ANAPC1: variants seen among roughly 807,000 people sequenced by gnomAD.
The protein encoded by ANAPC1 is anaphase promoting complex subunit 1.
ANAPC1 carries 36 observed loss-of-function variants against 208.0 expected under a neutral mutation model. The observed-to-expected ratio is 0.17, with a 90% CI of 0.13 to 0.23. The LOEUF (loss-of-function observed/expected upper bound fraction) is 0.23, where lower values mean the gene tolerates loss of function less well. ANAPC1 is among the 10% of genes least tolerant of loss of function. The probability of loss-of-function intolerance (pLI) is 1.00; values close to 1 mark genes in which losing one functional copy is unlikely to be tolerated. For synonymous variants in ANAPC1, 378 were observed against 695.2 expected (o/e 0.54, Z 7.18); for missense variants, 942 against 2,011.6 (o/e 0.47, Z 10.17).
At chr2:111,781,804 C>T (rs1310466550) in intron 43 of ANAPC1, among the ~76,000 whole-genome samples, 5 of 152,282 alleles carry the variant, frequency 3.3e-5, no homozygotes, top group South Asian at 4.1e-4. Context: ...GTGCTGACCC[C>T]GCCGTGGGAA....
intron 11 of ANAPC1, chr2:111,857,181 T>C (rs899281941): frequency 8.9e-6 from 3 of 336,078 alleles, no homozygotes; most frequent in African/African-American, 6.3e-5. Flanking sequence ...CATAGAACCA[T>C]ACATACACAT....
In ANAPC1 at chr2:111,850,813, G is replaced by T; in HGVS notation, c.1613C>A (p.Pro538Gln). The T allele has an allele frequency of 5.0e-6, 8 of 1,611,944 alleles. No individual in the cohort carries two copies. The highest frequency in any genetic ancestry group is 6.8e-6 in the Non-Finnish European group (8 of 1,179,864). Residue 538 changes from proline (P) to glutamine (Q), a missense_variant, in exon 14 of 48, where the codon CCA (proline) becomes CAA (glutamine). Pro to Gln is a moderately conservative substitution (Grantham distance 76). Coordinates refer to ENST00000341068, the MANE Select transcript of ANAPC1 (RefSeq NM_022662.4). Reference protein sequence around the residue: ...PSTPLDGVSTPKPLSKLLGSL... With the variant: ...PSTPLDGVSTQKPLSKLLGSL... ...TCCAAGGAGTTTACTAAGAGGCTTTGGAGTACTAACGCCATCTAGTGGAGT... is the reference window on the plus strand; with the variant it reads ...TCCAAGGAGTTTACTAAGAGGCTTTTGAGTACTAACGCCATCTAGTGGAGT...
rs1265334041 is a variant in ANAPC1 at position 111,852,879 on chromosome 2, T to C, written c.1516-1969A>G. ...GCTCATGTCTGTAATATCCCAGCAC[T>C]TTGGGAGGCTGAGGTGGGAGGATCG... On this transcript the variant is annotated intron_variant, in intron 13 of 47. Coordinates refer to ENST00000341068, the MANE Select transcript of ANAPC1 (RefSeq NM_022662.4). Among the ~76,000 whole-genome samples, 4 of 152,036 alleles carry C rather than the reference T, an allele frequency of 2.6e-5. No homozygotes were observed. The South Asian group carries it at 6.3e-4, about 24-fold the overall frequency.
intron 18 of ANAPC1, among the ~76,000 whole-genome samples, chr2:111,837,812 G>A (rs1487337188): frequency 6.6e-6 from 1 of 151,708 alleles, no homozygotes; most frequent in Non-Finnish European, 1.5e-5. Flanking sequence ...GGCCAGGTGT[G>A]GTGGCTCATG....
intron 13 of ANAPC1, chr2:111,856,344 A>G (rs1181898496): frequency 6.3e-6 from 2 of 319,140 alleles, no homozygotes; most frequent in African/African-American, 4.4e-5. Flanking sequence ...ACTTTAAAAA[A>G]AAAAAAAAAT....
rs201732791 is a variant in ANAPC1, at chr2:111,843,525, T to C, written c.1927A>G (p.Asn643Asp). ...GGTCCTCCTGGAGCACTGTGGACAT[T>C]GTACCACTTGACAAGCATCTGAACT... ...IAVQMLVKWY[N>D]VHSAPGGPSY... The change falls in exon 17 of 48, where the codon AAT becomes GAT. Residue 643 changes from asparagine to aspartate, a missense_variant. Asn to Asp is a conservative substitution (Grantham distance 23, BLOSUM62 1). Coordinates refer to ENST00000341068, the MANE Select transcript of ANAPC1 (RefSeq NM_022662.4). 2.0e-5 allele frequency: 32 copies of C among 1,611,858 alleles called. No individual in the cohort carries two copies. Among genetic ancestry groups the C allele is most frequent in the Non-Finnish European group, 2.5e-5 (29 of 1,179,834 alleles).
intron 9 of ANAPC1, among the ~76,000 whole-genome samples, chr2:111,863,325 G>A (rs578214350): frequency 6.6e-5 from 10 of 151,566 alleles, no homozygotes; most frequent in South Asian, 4.2e-4. Flanking sequence ...TGGCTAACAC[G>A]GTGAAACCCC....
intron 17 of ANAPC1, among the ~76,000 whole-genome samples, chr2:111,839,586 A>G (rs1415486030): frequency 6.6e-6 from 1 of 152,268 alleles, no homozygotes; most frequent in Non-Finnish European, 1.5e-5. Flanking sequence ...ATAAAGTGAT[A>G]TTTAAAACTG....
intron 38 of ANAPC1, among the ~76,000 whole-genome samples, chr2:111,788,854 C>T (rs1359509755): frequency 2.0e-5 from 3 of 151,824 alleles, no homozygotes; most frequent in Non-Finnish European, 2.9e-5. Context: ...AAAGTTACAA[C>T]GAGGCCATGC....
intron 21 of ANAPC1, among the ~76,000 whole-genome samples, chr2:111,829,713 G>T (rs113141562): frequency 1.7e-5 from 2 of 118,994 alleles, no homozygotes; most frequent in South Asian, 2.9e-4. Context: ...AATAAATAAA[G>T]AAGTGTTTCT....
chr2:111,865,634 TC>T (rs1381290458), intron 7 of ANAPC1, among the ~76,000 whole-genome samples: 2 of 152,234 alleles, frequency 1.3e-5, no homozygotes, highest in Non-Finnish European at 2.9e-5. Flanking sequence ...TTGGTTTTTT[TC>T]ATACATATAT....
At chr2:111,882,924 T>C (rs1683388729) in intron 1 of ANAPC1, among the ~76,000 whole-genome samples, 1 of 151,804 alleles carries the variant, frequency 6.6e-6, no homozygotes, top group Non-Finnish European at 1.5e-5. Context: ...TCCCAGCACT[T>C]TGGGTGGCCG....
intron 28 of ANAPC1, among the ~76,000 whole-genome samples, chr2:111,810,565 C>T (rs1214100698): frequency 2.7e-5 from 4 of 150,012 alleles, no homozygotes; most frequent in Non-Finnish European, 5.9e-5. Context: ...AATAGCCAAT[C>T]TGTATGGTTA....
Position 111,856,690 on chromosome 2 carries a change from A to G in ANAPC1, c.1450-11T>C. On this transcript the variant is annotated splice_polypyrimidine_tract_variant and intron_variant, in intron 12 of 47. Coordinates refer to ENST00000341068, the MANE Select transcript of ANAPC1 (RefSeq NM_022662.4). ...CATGGTGTCTATTTTCTAAAAAAACAAAAAAGACAAAAAATTTATTTCCCA... is the reference window on the plus strand; with the variant it reads ...CATGGTGTCTATTTTCTAAAAAAACGAAAAAGACAAAAAATTTATTTCCCA... The G allele has an allele frequency of 6.2e-7, 1 of 1,613,768 alleles. No homozygotes were observed. The highest frequency in any genetic ancestry group is 8.5e-7 in the Non-Finnish European group (1 of 1,179,782).
At chr2:111,843,657 T>G (rs1037527242) in intron 16 of ANAPC1, 58 bp from the exon 17 acceptor site, 2 of 1,448,136 alleles carry the variant, frequency 1.4e-6, no homozygotes, top group Non-Finnish European at 1.9e-6. Flanking sequence ...TCTTTTCCCC[T>G]TTCAATCACC....
intron 17 of ANAPC1, among the ~76,000 whole-genome samples, chr2:111,840,264 A>T (rs1013551307): frequency 6.6e-6 from 1 of 152,144 alleles, no homozygotes; most frequent in African/African-American, 2.4e-5. Context: ...ACCACATTAC[A>T]TATGTGAAAA....
chr2:111,874,558 T>C (rs1682926717), intron 3 of ANAPC1, among the ~76,000 whole-genome samples: 1 of 152,156 alleles, frequency 6.6e-6, no homozygotes, highest in African/African-American at 2.4e-5. Flanking sequence ...TCACTTAACA[T>C]AATGTTTTCA....
intron 11 of ANAPC1, 82 bp downstream of exon 11, chr2:111,858,224 C>CAAA: frequency 3.3e-6 from 3 of 906,554 alleles, no homozygotes; most frequent in South Asian, 2.0e-5. Context: ...CTACTTAAGC[C>CAAA]AAAAAAAAAA....
At chr2:111,873,558 G>A (rs978566182) in intron 4 of ANAPC1, 55 bp downstream of exon 4, 2 of 1,499,844 alleles carry the variant, frequency 1.3e-6, no homozygotes, top group African/African-American at 2.9e-5. Context: ...AAAATACAAT[G>A]AGATAAATAT....
Sources: gnomAD v4.1 joint callset for allele counts (sites outside exome capture counted in the v4.1 genomes callset) on GRCh38, gnomAD v4.1.1 for gene constraint, MANE v1.5 for transcripts, NCBI Gene and HGNC (gene_info 2026-07-23, HGNC 2026-07-21) for gene names.